GRIP1: variants seen among roughly 807,000 people sequenced by gnomAD.
The protein encoded by GRIP1 is glutamate receptor interacting protein 1.
A neutral mutation model predicts 129.9 loss-of-function variants in GRIP1; 45 were observed. The observed-to-expected ratio is 0.35, with a 90% CI of 0.27 to 0.44. The LOEUF (loss-of-function observed/expected upper bound fraction) is 0.44. Among genes scored for constraint, GRIP1 ranks in the 20% least tolerant of loss-of-function variants. The pLI is 1.00. For synonymous variants in GRIP1, 530 were observed against 520.8 expected (o/e 1.02, Z -0.24); for missense variants, 1,196 against 1,396.8 (o/e 0.86, Z 2.29).
rs941472732 is a variant in GRIP1 at position 66,820,825 on chromosome 12, A to G, written c.59-223898T>C. Among the ~76,000 whole-genome samples the G allele has an allele frequency of 2.0e-5, 3 of 152,330 alleles. 1 individual carries two copies. The highest frequency in any genetic ancestry group is 6.5e-5 in the Admixed American group (1 of 15,292). ...AAAAACTAGGGAGACAATTAAAAAA[A>G]AAAAACAGGGGTTGCTAGTAATCAG... On this transcript the variant is annotated intron_variant, in intron 1 of 1. Transcript: ENST00000643019.
At chr12:66,813,504 G>T (rs1038932443) in intron 1 of GRIP1, among the ~76,000 whole-genome samples, 6 of 152,184 alleles carry the variant, frequency 3.9e-5, no homozygotes, top group African/African-American at 1.4e-4. Flanking sequence ...CCAATGGTGA[G>T]AAGTGACAAG....
intron 2 of GRIP1, among the ~76,000 whole-genome samples, chr12:66,557,545 C>T (rs761602454): frequency 2.0e-5 from 3 of 152,022 alleles, no homozygotes; most frequent in Non-Finnish European, 4.4e-5. Flanking sequence ...GGATCATCCT[C>T]GAGAATAGAT....
chr12:66,582,737 C>T (rs1394895926), intron 2 of GRIP1, among the ~76,000 whole-genome samples: 3 of 145,768 alleles, frequency 2.1e-5, no homozygotes, highest in Non-Finnish European at 4.5e-5. Context: ...CTACAAACCA[C>T]TGCTCAATGA....
intron 1 of GRIP1, among the ~76,000 whole-genome samples, chr12:67,039,612 A>C (rs2043146665): frequency 6.6e-6 from 1 of 152,212 alleles, no homozygotes; most frequent in East Asian, 1.9e-4. Flanking sequence ...CTGTACCATC[A>C]GGTGGAATTC....
At chr12:66,896,078 T>G (rs1284406992) in intron 1 of GRIP1, among the ~76,000 whole-genome samples, 1 of 152,180 alleles carries the variant, frequency 6.6e-6, no homozygotes, top group Non-Finnish European at 1.5e-5. Context: ...GCTAGACAAC[T>G]GTGCATAAAA....
At chr12:66,528,134 G>GTTTTTTTTTTTTTTTTTT (rs59443918) in intron 5 of GRIP1, among the ~76,000 whole-genome samples, 6 of 99,230 alleles carry the variant, frequency 6.0e-5, no homozygotes, top group African/African-American at 1.9e-4. Context: ...GAATTAGTAG[G>GTTTTTTTTTTTTTTTTTT]TTTTTTTTTT....
intron 1 of GRIP1, among the ~76,000 whole-genome samples, chr12:66,605,051 TTA>T (rs571923160): frequency 4.3e-5 from 6 of 140,214 alleles, no homozygotes; most frequent in South Asian, 2.2e-4. Flanking sequence ...CAGAAGTCAC[TTA>T]TATATATATA....
chr12:66,919,356 T>C (rs2041176931), intron 1 of GRIP1, among the ~76,000 whole-genome samples: 1 of 152,190 alleles, frequency 6.6e-6, no homozygotes, highest in African/African-American at 2.4e-5. Context: ...CCTTAGGGAA[T>C]CTGAACAAGG....
At chr12:66,492,362 A>T (rs2138679869) in intron 7 of GRIP1, among the ~76,000 whole-genome samples, 1 of 152,332 alleles carries the variant, frequency 6.6e-6, no homozygotes, top group Admixed American at 6.5e-5. Flanking sequence ...ATTAAAAACC[A>T]AATACTACTA....
At chr12:66,413,215 C>A (rs1247607581) in intron 15 of GRIP1, among the ~76,000 whole-genome samples, 2 of 152,270 alleles carry the variant, frequency 1.3e-5, no homozygotes, top group East Asian at 3.9e-4. Flanking sequence ...GGAAGTAAAA[C>A]ATTCCTCAGC....
chr12:66,469,391 A>C (rs918474180), intron 7 of GRIP1, among the ~76,000 whole-genome samples: 1 of 152,306 alleles, frequency 6.6e-6, no homozygotes, highest in East Asian at 1.9e-4. Context: ...AATCAATAGA[A>C]GAGATGAGTA....
At position 66,379,427 on chromosome 12, in the gene GRIP1, A is replaced by C; in HGVS notation, c.2474T>G (p.Phe825Cys). ...DTSYGTQGTS[F>C]QASGYNFNTY... ...GTTGAAATTGTATCCTGAGGCCTGA[A>C]AACTAGTGCCTAAAATATAAACAAG... Residue 825 changes from phenylalanine (F) to cysteine (C), a missense_variant, in exon 20 of 25, where the codon TTT (phenylalanine) becomes TGT (cysteine). By Grantham distance (205) the Phe-to-Cys change is radical. This residue lies in a region of GRIP1 where 427 missense variants were observed against 463.3 expected (regional missense o/e 0.92). Transcript: ENST00000359742. The C allele has an allele frequency of 6.2e-7, 1 of 1,614,124 alleles. No individual in the cohort carries two copies. The highest frequency in any genetic ancestry group is 8.5e-7 in the Non-Finnish European group (1 of 1,179,962).
chr12:66,576,519 T>C (rs908697493), intron 2 of GRIP1, among the ~76,000 whole-genome samples: 11 of 152,214 alleles, frequency 7.2e-5, no homozygotes, highest in East Asian at 5.8e-4. Context: ...GCTGTGTACA[T>C]AGCTGAAAGA....
intron 1 of GRIP1, among the ~76,000 whole-genome samples, chr12:67,045,232 T>C (rs1211991893): frequency 6.6e-6 from 1 of 152,116 alleles, no homozygotes; most frequent in African/African-American, 2.4e-5. Context: ...ATGAAGTAAT[T>C]AGTCAGCAAA....
intron 1 of GRIP1, among the ~76,000 whole-genome samples, chr12:66,612,376 T>C (rs1010207042): frequency 3.3e-5 from 5 of 152,148 alleles, no homozygotes; most frequent in African/African-American, 1.2e-4. Flanking sequence ...ATCTCATATC[T>C]AGGCTGGGTT....
At chr12:66,694,224 A>C (rs572247771) in intron 1 of GRIP1, among the ~76,000 whole-genome samples, 1 of 152,324 alleles carries the variant, frequency 6.6e-6, no homozygotes, top group East Asian at 1.9e-4. Flanking sequence ...TTGAGTTGTG[A>C]GCATCCCTGA....
intron 1 of GRIP1, among the ~76,000 whole-genome samples, chr12:66,789,085 T>G (rs538521237): frequency 6.6e-6 from 1 of 152,220 alleles, no homozygotes; most frequent in African/African-American, 2.4e-5. Flanking sequence ...AATTTCAGTA[T>G]ATTCAAGGTC....
intron 1 of GRIP1, among the ~76,000 whole-genome samples, chr12:66,605,051 T>TTTCATA (rs1555215196): frequency 0.14 from 19,953 of 140,176 alleles, 1,464 homozygotes; most frequent in African/African-American, 0.18. Flanking sequence ...CAGAAGTCAC[T>TTTCATA]TATATATATA....
intron 15 of GRIP1, among the ~76,000 whole-genome samples, chr12:66,414,108 C>T (rs1228416638): frequency 6.6e-6 from 1 of 151,724 alleles, no homozygotes; most frequent in African/African-American, 2.4e-5. Flanking sequence ...GGCAATCAGG[C>T]AAGAGAAAAA....
Sources: gnomAD v4.1 joint callset for allele counts (sites outside exome capture counted in the v4.1 genomes callset) on GRCh38, gnomAD v4.1.1 for gene constraint, gnomAD v4.1.1 regional missense constraint, MANE v1.5 for transcripts, NCBI Gene and HGNC (gene_info 2026-07-23, HGNC 2026-07-21) for gene names.